The following DACT3 variants were observed in gnomAD, a reference collection of about 807,000 sequenced individuals.
The protein encoded by DACT3 is dapper homolog 3.
In DACT3, 5 loss-of-function variants were observed where a neutral mutation model predicts 19.6. That is an observed-to-expected ratio of 0.26 (90% CI 0.13 to 0.54). The LOEUF (loss-of-function observed/expected upper bound fraction) is 0.54, where lower values mean the gene tolerates loss of function less well. Among genes scored for constraint, DACT3 ranks in the 20% least tolerant of loss-of-function variants. The probability of loss-of-function intolerance (pLI) is 0.95; values close to 1 mark genes in which losing one functional copy is unlikely to be tolerated. For missense variants in DACT3, 908 were observed against 927.4 expected (o/e 0.98, Z 0.27); for synonymous variants, 454 against 428.1 (o/e 1.06, Z -0.75).
chr19:46,652,539 A>G lies in DACT3; in HGVS notation c.499+121T>C, dbSNP rs1041743508. Reference sequence around the variant, plus strand: ...AGAAATAAGAGACCTGCTCATAACCATGTGAAAAGGAAATGTCACAGCTGG... The same window carrying G: ...AGAAATAAGAGACCTGCTCATAACCGTGTGAAAAGGAAATGTCACAGCTGG... On this transcript the variant is annotated intron_variant, in intron 3 of 3. Coordinates refer to ENST00000391916, the MANE Select transcript of DACT3 (RefSeq NM_145056.3). 6 of 1,084,092 alleles carry G rather than the reference A, an allele frequency of 5.5e-6. No individual in the cohort carries two copies. In the African/African-American group the frequency reaches 6.4e-5, roughly 12 times the overall value. 67.2% of individuals were successfully genotyped at this position (1,084,092 alleles called of 1,614,324 possible).
At position 46,649,331 on chromosome 19, in the gene DACT3, G is replaced by A. The variant is rs2052954455; in HGVS notation, c.1041C>T (p.Asp347=). Residue 347 remains aspartate (D), a synonymous_variant, in exon 4 of 4, where the codon GAC becomes GAT. Coordinates refer to ENST00000391916, the MANE Select transcript of DACT3 (RefSeq NM_145056.3). Reference sequence around the variant, plus strand: ...TCACCAAGCGGCCCTCAGCCGGGCTGTCGGGGGGTGAGGGGGCGGCGGGCG... The same window carrying A: ...TCACCAAGCGGCCCTCAGCCGGGCTATCGGGGGGTGAGGGGGCGGCGGGCG... ...AAPPAAPSPP[D]SPAEGRLVKA... The A allele has an allele frequency of 1.6e-6, 2 of 1,242,782 alleles. No homozygotes were observed. The highest frequency in any genetic ancestry group is 2.0e-6 in the Non-Finnish European group (2 of 991,084). 77.0% of individuals were successfully genotyped at this position (1,242,782 alleles called of 1,614,324 possible).
intron 1 of DACT3, 34 bp from the exon 2 acceptor site, chr19:46,653,109 G>T (rs775552076): frequency 1.9e-6 from 3 of 1,548,850 alleles, no homozygotes; most frequent in Non-Finnish European, 2.6e-6. Context: ...TGGTCAGAAG[G>T]CCCCCAGTCC....
chr19:46,649,566 CG>C lies in DACT3; in HGVS notation c.805del (p.Arg269GlyfsTer52). On this transcript the variant is annotated frameshift_variant, in exon 4 of 4. Coordinates refer to ENST00000391916, the MANE Select transcript of DACT3 (RefSeq NM_145056.3). LOFTEE classifies it low-confidence loss of function (END_TRUNC). Reference sequence around the variant, plus strand: ...GCCGTCCGCGCCCCCGGGACTGGTCCGGGGCTGGCCCGCCCCCCGGCGGCGG... The same window carrying C: ...GCCGTCCGCGCCCCCGGGACTGGTCCGGGCTGGCCCGCCCCCCGGCGGCGG... ...RRRRRGAGQP[R>X]TSPGGADGGP... 1.9e-6 allele frequency: 2 copies of C among 1,073,728 alleles called. No individual in the cohort carries two copies. The highest frequency in any genetic ancestry group is 2.3e-6 in the Non-Finnish European group (2 of 885,386). 66.5% of individuals were successfully genotyped at this position (1,073,728 alleles called of 1,614,324 possible).
intron 1 of DACT3, chr19:46,654,079 A>G (rs1370604824): frequency 1.1e-5 from 11 of 985,246 alleles, no homozygotes; most frequent in Non-Finnish European, 7.2e-6. Flanking sequence ...CTGGTACTGC[A>G]GCAGCCATCC....
intron 1 of DACT3, chr19:46,654,264 A>T: frequency 1.1e-6 from 1 of 941,418 alleles, no homozygotes; most frequent in Non-Finnish European, 1.3e-6. Context: ...AGGCGGGCGG[A>T]TCACATGAGG....
At chr19:46,655,740 G>A (rs939508412) in intron 1 of DACT3, among the ~76,000 whole-genome samples, 1 of 152,088 alleles carries the variant, frequency 6.6e-6, no homozygotes, top group Non-Finnish European at 1.5e-5. Context: ...CCCACCCAGT[G>A]CCTAGAACAG....
chr19:46,658,421 A>C (rs942809336), intron 1 of DACT3, among the ~76,000 whole-genome samples: 1 of 152,204 alleles, frequency 6.6e-6, no homozygotes, highest in African/African-American at 2.4e-5. Flanking sequence ...ATTTAAAAAT[A>C]CATAAATAAA....
At chr19:46,654,068 A>G in intron 1 of DACT3, 1 of 985,332 alleles carries the variant, frequency 1.0e-6, no homozygotes, top group Non-Finnish European at 1.2e-6. Flanking sequence ...GTCTAGCCTT[A>G]CTGGTACTGC....
At chr19:46,657,338 A>G (rs2053039942) in intron 1 of DACT3, among the ~76,000 whole-genome samples, 1 of 148,366 alleles carries the variant, frequency 6.7e-6, no homozygotes, top group Admixed American at 6.8e-5. Flanking sequence ...TGAGGATTAA[A>G]TGAGTTTCTT....
intron 3 of DACT3, 67 bp downstream of exon 3, chr19:46,652,593 C>T: frequency 6.7e-7 from 1 of 1,492,690 alleles, no homozygotes; most frequent in Non-Finnish European, 9.0e-7. Context: ...ATTCGGAAGT[C>T]TGTGCCCACA....
Position 46,652,928 on chromosome 19 carries a change from G to A in DACT3, c.346+51C>T, listed in dbSNP as rs539187497. 7.9e-4 allele frequency: 1,223 copies of A among 1,546,790 alleles called. 2 individuals carry two copies. The highest frequency in any genetic ancestry group is 1.8e-3 in the South Asian group (153 of 83,878). ...CAGGGGGCCTCAGAAATAGGGATACGGGGAACATGGAGGCGTCCCAGGCAA... is the reference window on the plus strand; with the variant it reads ...CAGGGGGCCTCAGAAATAGGGATACAGGGAACATGGAGGCGTCCCAGGCAA... On this transcript the variant is annotated intron_variant, in intron 2 of 3. Transcript: ENST00000391916.
Position 46,648,634 on chromosome 19 carries a change from C to A in DACT3, c.1738G>T (p.Val580Leu). Reference protein sequence around the residue: ...SGGLVWPQQLVAATAASGGGA... With the variant: ...SGGLVWPQQLLAATAASGGGA... ...CCCCCAGAGGCCGCGGTGGCCGCCACCAGCTGCTGCGGCCACACGAGGCCA... is the reference window on the plus strand; with the variant it reads ...CCCCCAGAGGCCGCGGTGGCCGCCAACAGCTGCTGCGGCCACACGAGGCCA... The change falls in exon 4 of 4, where the codon GTG (valine) becomes TTG (leucine). Residue 580 changes from valine (V) to leucine (L), a missense_variant. Physicochemically the swap from Val to Leu is conservative, Grantham distance 32. This residue lies in a region of DACT3 where 656 missense variants were observed against 601.8 expected (regional missense o/e 1.09). Transcript: ENST00000391916. The surrounding 1 kb of genome is among the most constrained non-coding windows in gnomAD (Gnocchi z 5.1). 6.2e-7 allele frequency: 1 copy of A among 1,612,614 alleles called. No individual in the cohort carries two copies. Among genetic ancestry groups the A allele is most frequent in the Non-Finnish European group, 8.5e-7 (1 of 1,179,496 alleles).
Position 46,648,737 on chromosome 19 carries a change from G to A in DACT3, c.1635C>T (p.Tyr545=), listed in dbSNP as rs184698514. The part of the protein sequence containing the change: ...RGPAGGVGGG[Y]GESESSASEG... ...CGCTGGCGCTCGATTCGCTCTCCCCGTAACCCCCGCCGACGCCTCCCGCAG... is the reference window on the plus strand; with the variant it reads ...CGCTGGCGCTCGATTCGCTCTCCCCATAACCCCCGCCGACGCCTCCCGCAG... Residue 545 remains tyrosine, a synonymous_variant, in exon 4 of 4, where the codon TAC becomes TAT. Coordinates refer to ENST00000391916, the MANE Select transcript of DACT3 (RefSeq NM_145056.3). The surrounding 1 kb of genome is among the most constrained non-coding windows in gnomAD (Gnocchi z 5.1). 1.3e-3 allele frequency: 2,064 copies of A among 1,594,336 alleles called. 28 individuals carry two copies. In the African/African-American group the frequency reaches 0.024, roughly 18 times the overall value.
rs1370329425 is a variant in DACT3 at position 46,648,620 on chromosome 19, C to T, written c.1752G>A (p.Ala584=). ...CTGCACCTGCTCCACCCCCAGAGGCCGCGGTGGCCGCCACCAGCTGCTGCG... is the reference window on the plus strand; with the variant it reads ...CTGCACCTGCTCCACCCCCAGAGGCTGCGGTGGCCGCCACCAGCTGCTGCG... ...VWPQQLVAAT[A]ASGGGAGAGA... is the part of the protein sequence containing the mutation. Residue 584 remains alanine, a synonymous_variant, in exon 4 of 4, where the codon GCG becomes GCA. Transcript: ENST00000391916. This position sits in a 1 kb window ranked among gnomAD's most constrained non-coding sequence, Gnocchi z 5.1. 2 of 1,612,844 alleles carry T rather than the reference C, an allele frequency of 1.2e-6. No individual in the cohort carries two copies. Among genetic ancestry groups the T allele is most frequent in the Middle Eastern group, 1.7e-4 (1 of 6,058 alleles).
At chr19:46,653,983 G>A in intron 1 of DACT3, 2 of 985,342 alleles carry the variant, frequency 2.0e-6, no homozygotes, top group Non-Finnish European at 2.4e-6. Flanking sequence ...GGGTAAAATA[G>A]GCTGACCACG....
rs547568231 is a variant in DACT3, at chr19:46,659,385, C to G, written c.249+1431G>C. The G allele has an allele frequency of 5.8e-5, 56 of 969,858 alleles. No homozygotes were observed. The Admixed American group carries it at 3.5e-3, about 60-fold the overall frequency. The allele number at this position is 969,858 out of a possible 1,614,324, so 60.1% of individuals were successfully genotyped here. ...GGGTGAAAAGGGGAGAGACCGAGGGCAGAGGGGGAGAGGACACAGCTACCC... is the reference window on the plus strand; with the variant it reads ...GGGTGAAAAGGGGAGAGACCGAGGGGAGAGGGGGAGAGGACACAGCTACCC... On this transcript the variant is annotated intron_variant, in intron 1 of 3. Coordinates refer to ENST00000391916, the MANE Select transcript of DACT3 (RefSeq NM_145056.3).
chr19:46,652,698 G>C lies in DACT3; in HGVS notation c.461C>G (p.Pro154Arg). The change falls in exon 3 of 4, where the codon CCC becomes CGC. Residue 154 changes from proline (P) to arginine (R), a missense_variant. Transcript: ENST00000391916. ...CCTCTCACTGGCATAGATGCCCCGGGGCTCAGAGGGACCCAGGCGACCATA... is the reference window on the plus strand; with the variant it reads ...CCTCTCACTGGCATAGATGCCCCGGCGCTCAGAGGGACCCAGGCGACCATA... Reference protein sequence around the residue: ...SSYGRLGPSEPRGIYASERPK... With the variant: ...SSYGRLGPSERRGIYASERPK... 6.4e-7 allele frequency: 1 copy of C among 1,551,502 alleles called. No individual in the cohort carries two copies. The highest frequency in any genetic ancestry group is 8.7e-7 in the Non-Finnish European group (1 of 1,146,992).
chr19:46,659,299 G>T, intron 1 of DACT3: 1 of 971,712 alleles, frequency 1.0e-6, no homozygotes, highest in Non-Finnish European at 1.2e-6. Flanking sequence ...GGGCTGAGGG[G>T]GAGGAGGGGA....
chr19:46,648,962 T>A lies in DACT3; in HGVS notation c.1410A>T (p.Ala470=). The part of the protein sequence containing the change: ...GPAPTLAAQA[A]GSCRRWRSTA... ...TGGAGCGCCAGCGACGGCAGGACCC[T>A]GCGGCCTGGGCCGCCAGCGTGGGCG... The change falls in exon 4 of 4, where the codon GCA becomes GCT. Residue 470 remains alanine (A), a synonymous_variant. Coordinates refer to ENST00000391916, the MANE Select transcript of DACT3 (RefSeq NM_145056.3). The surrounding 1 kb of genome is among the most constrained non-coding windows in gnomAD (Gnocchi z 5.1). The A allele has an allele frequency of 7.7e-7, 1 of 1,303,562 alleles. No homozygotes were observed. Among genetic ancestry groups the A allele is most frequent in the Non-Finnish European group, 9.7e-7 (1 of 1,029,676 alleles). 80.7% of individuals were successfully genotyped at this position (1,303,562 alleles called of 1,614,324 possible).
Sources: gnomAD v4.1 joint callset for allele counts (sites outside exome capture counted in the v4.1 genomes callset) on GRCh38, gnomAD v4.1.1 for gene constraint, gnomAD v4.1.1 regional missense constraint, Gnocchi (gnomAD v3.1) non-coding constraint, MANE v1.5 for transcripts, NCBI Gene and HGNC (gene_info 2026-07-23, HGNC 2026-07-21) for gene names.